SHROOM4: variants seen among roughly 807,000 people sequenced by gnomAD.
The protein encoded by SHROOM4 is protein Shroom4.
SHROOM4 carries 17 observed loss-of-function variants against 80.3 expected under a neutral mutation model. That is an observed-to-expected ratio of 0.21 (90% confidence interval 0.14 to 0.32). The LOEUF (loss-of-function observed/expected upper bound fraction) is 0.32. SHROOM4 is among the 10% of genes least tolerant of loss of function. SHROOM4 has a pLI of 1.00. For missense variants in SHROOM4, 993 were observed against 1,140.3 expected (o/e 0.87, Z 1.86); for synonymous variants, 400 against 437.5 (o/e 0.91, Z 1.07).
Position 50,776,697 on chromosome X carries a change from A to C in SHROOM4, c.117+37205T>G, listed in dbSNP as rs781838430. ...CTAAAGACTTTTTTTCTTTTTTTTT[A>C]TTTTTTTTTGAGACAGGGTCTGGCT... is the stretch of plus-strand genomic sequence containing the variant. On this transcript the variant is annotated intron_variant, in intron 1 of 8. Coordinates refer to ENST00000376020, the MANE Select transcript of SHROOM4 (RefSeq NM_020717.5). Among the ~76,000 whole-genome samples, 309 of 106,703 alleles carry C rather than the reference A, an allele frequency of 2.9e-3. 2 individuals carry two copies. Among genetic ancestry groups the C allele is most frequent in the African/African-American group, 9.1e-3 (267 of 29,356 alleles). The allele number at this position is 106,703 out of a possible 115,157, so 92.7% of individuals were successfully genotyped here.
chrX:50,612,966 C>T (rs111970679), intron 5 of SHROOM4, among the ~76,000 whole-genome samples: 4,638 of 111,352 alleles, frequency 0.042, 215 homozygotes, highest in African/African-American at 0.14. Context: ...CCATTAAAAA[C>T]AAGAACAAGG....
At chrX:50,652,881 G>C (rs1318694690) in intron 2 of SHROOM4, among the ~76,000 whole-genome samples, 1 of 111,382 alleles carries the variant, frequency 9.0e-6, no homozygotes, top group Non-Finnish European at 1.9e-5. Context: ...TGTTGTAGAG[G>C]TGTGGCATTA....
intron 4 of SHROOM4, among the ~76,000 whole-genome samples, chrX:50,631,098 A>G (rs1166156261): frequency 8.9e-6 from 1 of 112,021 alleles, no homozygotes. Context: ...AGATGTTATA[A>G]TAAAACTATA....
rs1465447440 is a variant in SHROOM4, at chrX:50,723,385, CAAGG to C, written c.118-27452_118-27449del. ...AGGAAGGAGGGAGGGAGGGAGGGAG[CAAGG>C]GAGGGAGAGAGAGAGAGAGAGAGAG... is the stretch of plus-strand genomic sequence containing the variant. On this transcript the variant is annotated intron_variant, in intron 1 of 8. Transcript: ENST00000376020. Among the ~76,000 whole-genome samples the C allele has an allele frequency of 2.0e-3, 12 of 6,077 alleles. No homozygotes were observed. In the East Asian group the frequency reaches 0.14, roughly 70 times the overall value. 5.3% of individuals were successfully genotyped at this position (6,077 alleles called of 115,157 possible).
chrX:50,730,642 G>A (rs960191293), intron 1 of SHROOM4, among the ~76,000 whole-genome samples: 1 of 105,636 alleles, frequency 9.5e-6, no homozygotes, highest in African/African-American at 3.5e-5. Flanking sequence ...AGGCTTGGTG[G>A]TGCACACCTG....
Position 50,633,665 on chromosome X carries a change from C to G in SHROOM4, c.2408G>C (p.Arg803Thr). 1 of 1,211,896 alleles carries G rather than the reference C, an allele frequency of 8.3e-7. No individual in the cohort carries two copies. Among genetic ancestry groups the G allele is most frequent in the East Asian group, 3.0e-5 (1 of 33,842 alleles). Residue 803 changes from arginine (R) to threonine (T), a missense_variant, in exon 4 of 9, where the codon AGA becomes ACA. Coordinates refer to ENST00000376020, the MANE Select transcript of SHROOM4 (RefSeq NM_020717.5). ...TTHSNKTFTQ[R>T]PKPIDQNFQP... ...GAAGTTTTGGTCTATAGGTTTTGGTCTCTGGGTAAAAGTCTTGTTGCTATG... is the reference window on the plus strand; with the variant it reads ...GAAGTTTTGGTCTATAGGTTTTGGTGTCTGGGTAAAAGTCTTGTTGCTATG...
At chrX:50,662,610 A>G (rs1932547882) in intron 2 of SHROOM4, among the ~76,000 whole-genome samples, 1 of 112,253 alleles carries the variant, frequency 8.9e-6, no homozygotes, top group South Asian at 3.7e-4. Context: ...AGCAACTACT[A>G]TTTCCAAAGG....
intron 1 of SHROOM4, among the ~76,000 whole-genome samples, chrX:50,754,209 T>C (rs1934987144): frequency 8.9e-6 from 1 of 111,837 alleles, no homozygotes; most frequent in Admixed American, 9.5e-5. Context: ...TGGTTCCTCA[T>C]GGATCTCTGA....
chrX:50,693,559 C>A (rs1246018627), intron 2 of SHROOM4, among the ~76,000 whole-genome samples: 5 of 99,724 alleles, frequency 5.0e-5, no homozygotes, highest in African/African-American at 8.1e-5. Flanking sequence ...GAGCAAAACT[C>A]CATTTCAAAA....
At chrX:50,702,591 G>T (rs1188591949) in intron 1 of SHROOM4, among the ~76,000 whole-genome samples, 1 of 111,821 alleles carries the variant, frequency 8.9e-6, no homozygotes, top group Non-Finnish European at 1.9e-5. Context: ...TGAAGGTAAA[G>T]AAGAGAGGTG....
chrX:50,585,304 A>T (rs1443702478), downstream of SHROOM4, among the ~76,000 whole-genome samples: 2 of 111,762 alleles, frequency 1.8e-5, no homozygotes, highest in African/African-American at 6.5e-5. Flanking sequence ...ATGTTTCTGA[A>T]GGATGTGAAA....
intron 1 of SHROOM4, among the ~76,000 whole-genome samples, chrX:50,726,568 C>G (rs1046399200): frequency 8.9e-6 from 1 of 112,600 alleles, no homozygotes; most frequent in Non-Finnish European, 1.9e-5. Flanking sequence ...GCCCTGCATC[C>G]CAGCCACTCC....
chrX:50,757,377 C>T (rs782109147), intron 1 of SHROOM4, among the ~76,000 whole-genome samples: 2 of 112,278 alleles, frequency 1.8e-5, no homozygotes, highest in South Asian at 3.7e-4. Flanking sequence ...AGCACACTGA[C>T]TTGACTATTG....
intron 2 of SHROOM4, among the ~76,000 whole-genome samples, chrX:50,668,744 T>TA (rs1370224154): frequency 9.0e-6 from 1 of 111,553 alleles, no homozygotes; most frequent in Non-Finnish European, 1.9e-5. Flanking sequence ...CAGAAAGACT[T>TA]ACAAAGAATT....
chrX:50,778,095 C>A (rs1557270297), intron 1 of SHROOM4, among the ~76,000 whole-genome samples: 1 of 111,699 alleles, frequency 9.0e-6, no homozygotes, highest in Non-Finnish European at 1.9e-5. Context: ...GCTGGACATA[C>A]CCCAGTCTTC....
chrX:50,619,318 G>A (rs1557251558), intron 5 of SHROOM4, among the ~76,000 whole-genome samples: 1 of 111,113 alleles, frequency 9.0e-6, no homozygotes, highest in East Asian at 2.8e-4. Flanking sequence ...CAGCACACAA[G>A]CCCAACCCGT....
At chrX:50,748,501 C>A (rs1569548469) in intron 1 of SHROOM4, among the ~76,000 whole-genome samples, 1 of 108,735 alleles carries the variant, frequency 9.2e-6, no homozygotes, top group Non-Finnish European at 1.9e-5. Flanking sequence ...TACTAAAAAA[C>A]ATAAAACTCT....
intron 1 of SHROOM4, among the ~76,000 whole-genome samples, chrX:50,754,824 T>G (rs781817735): frequency 8.9e-6 from 1 of 112,129 alleles, no homozygotes; most frequent in South Asian, 3.7e-4. Flanking sequence ...AAGTACATTA[T>G]CTCACTGTCT....
At chrX:50,700,225 T>G in intron 1 of SHROOM4, among the ~76,000 whole-genome samples, 1 of 112,439 alleles carries the variant, frequency 8.9e-6, no homozygotes, top group East Asian at 2.8e-4. Context: ...TTTGTTTTAT[T>G]GTTTTTGCAA....
Sources: gnomAD v4.1 joint callset for allele counts (sites outside exome capture counted in the v4.1 genomes callset) on GRCh38, gnomAD v4.1.1 for gene constraint, MANE v1.5 for transcripts, NCBI Gene and HGNC (gene_info 2026-07-23, HGNC 2026-07-21) for gene names.